SLC8A1: variants seen among roughly 807,000 people sequenced by gnomAD.
SLC8A1 encodes the protein sodium/calcium exchanger 1.
SLC8A1 carries 18 observed loss-of-function variants against 68.3 expected under a neutral mutation model. The observed-to-expected ratio is 0.26, with a 90% confidence interval of 0.18 to 0.39. SLC8A1 has a LOEUF of 0.39. Ranked by LOEUF, SLC8A1 falls within the 10% of genes least tolerant of loss-of-function variation. SLC8A1 has a pLI of 1.00. For synonymous variants in SLC8A1, 475 were observed against 415.5 expected, an observed-to-expected ratio of 1.14 and a Z score of -1.74; for missense variants, 985 against 1,156.7, an observed-to-expected ratio of 0.85 and a Z score of 2.15.
intron 2 of SLC8A1, among the ~76,000 whole-genome samples, chr2:40,311,344 T>C (rs1050458478): frequency 6.6e-6 from 1 of 152,010 alleles, no homozygotes; most frequent in Non-Finnish European, 1.5e-5. Context: ...TCTAGCATCA[T>C]TGTATAGAAA....
intron 2 of SLC8A1, among the ~76,000 whole-genome samples, chr2:40,424,862 G>C (rs1696449344): frequency 6.6e-6 from 1 of 151,656 alleles, no homozygotes. Context: ...TAGTTAATTA[G>C]CCTTATCATT....
chr2:40,313,028 T>C (rs957121044), intron 2 of SLC8A1, among the ~76,000 whole-genome samples: 3 of 152,048 alleles, frequency 2.0e-5, no homozygotes, highest in Admixed American at 1.3e-4. Flanking sequence ...CACACACACA[T>C]ATATATGTAC....
intron 2 of SLC8A1, among the ~76,000 whole-genome samples, chr2:40,382,338 T>C (rs1682109426): frequency 6.6e-6 from 1 of 152,066 alleles, no homozygotes. Flanking sequence ...TACATACACC[T>C]AGTAGGCGGT....
chr2:40,362,997 TATG>T, intron 2 of SLC8A1, among the ~76,000 whole-genome samples: 1 of 152,234 alleles, frequency 6.6e-6, no homozygotes, highest in Admixed American at 6.6e-5. Context: ...CAGTCCCTAG[TATG>T]ACCATAACAT....
intron 2 of SLC8A1, among the ~76,000 whole-genome samples, chr2:40,202,022 ATGCTGGTGTGTGTACACG>A (rs1253101077): frequency 6.6e-6 from 1 of 151,998 alleles, no homozygotes; most frequent in Non-Finnish European, 1.5e-5. Context: ...GTGTGTACAC[ATGCTGGTGTGTGTACACG>A]TGGAGGTGTG....
rs566521215 is a variant in SLC8A1 at position 40,401,534 on chromosome 2, G to A, written c.1808+26939C>T. 3.4e-5 allele frequency among the ~76,000 whole-genome samples: 4 copies of A among 118,156 alleles called. No homozygotes were observed. The Admixed American group carries it at 4.4e-4, about 13-fold the overall frequency. The allele number at this position is 118,156 out of a possible 152,430, so 77.5% of individuals were successfully genotyped here. A position where few individuals can be genotyped will look rare whatever the true frequency, so the allele number is the denominator to read the frequency against. The stretch of plus-strand genomic sequence containing the variant: ...ACTGCCTAGTAAAGCTCCTTGCATA[G>A]TAAGGAAACTAGTTTTGAATTAATA... On this transcript the variant is annotated intron_variant, in intron 2 of 7. Coordinates refer to ENST00000406785, the Ensembl canonical transcript of SLC8A1.
At chr2:40,470,766 A>C (rs1001029304) in intron 1 of SLC8A1, among the ~76,000 whole-genome samples, 1 of 152,020 alleles carries the variant, frequency 6.6e-6, no homozygotes, top group Non-Finnish European at 1.5e-5. Flanking sequence ...TACTTTCATT[A>C]AGACTTAATT....
chr2:40,284,216 G>C (rs1236865674), intron 2 of SLC8A1, among the ~76,000 whole-genome samples: 1 of 150,366 alleles, frequency 6.7e-6, no homozygotes, highest in East Asian at 2.0e-4. Context: ...TCTATAAGTT[G>C]TTTATATCTA....
At chr2:40,377,769 G>A (rs1680398884) in intron 2 of SLC8A1, among the ~76,000 whole-genome samples, 1 of 152,076 alleles carries the variant, frequency 6.6e-6, no homozygotes, top group South Asian at 2.1e-4. Context: ...CTCCAATCAG[G>A]TCTACTTCTA....
rs546562575 is a variant in SLC8A1, at chr2:40,491,743, G to A, written c.-25+20606C>T. Among the ~76,000 whole-genome samples, 22 of 152,132 alleles carry A rather than the reference G, an allele frequency of 1.4e-4. 2 individuals carry two copies. The South Asian group carries it at 4.4e-3, about 30-fold the overall frequency. Reference sequence around the variant, plus strand: ...TCTGCATCTATTGAGAGAACCATGTGGTTTTTGTCTTTGGTTCTGTTTATA... The same window carrying A: ...TCTGCATCTATTGAGAGAACCATGTAGTTTTTGTCTTTGGTTCTGTTTATA... On this transcript the variant is annotated intron_variant, in intron 1 of 7. Transcript: ENST00000402441.
chr2:40,132,262 G>A (rs1203248061), intron 7 of SLC8A1, among the ~76,000 whole-genome samples: 1 of 152,036 alleles, frequency 6.6e-6, no homozygotes, highest in Non-Finnish European at 1.5e-5. Flanking sequence ...AGATAACATG[G>A]ATTCCACAGT....
At chr2:40,356,723 G>C (rs1391215891) in intron 2 of SLC8A1, among the ~76,000 whole-genome samples, 3 of 152,172 alleles carry the variant, frequency 2.0e-5, no homozygotes, top group Non-Finnish European at 4.4e-5. Flanking sequence ...ACAGCTAAGG[G>C]AGACAAGCAC....
At chr2:40,381,031 G>A (rs1289732490) in intron 2 of SLC8A1, among the ~76,000 whole-genome samples, 1 of 151,962 alleles carries the variant, frequency 6.6e-6, no homozygotes, top group African/African-American at 2.4e-5. Flanking sequence ...CTTAGGATTG[G>A]TCAATTCCCC....
At chr2:40,511,634 G>A (rs1409544151) in intron 1 of SLC8A1, among the ~76,000 whole-genome samples, 3 of 152,056 alleles carry the variant, frequency 2.0e-5, no homozygotes, top group African/African-American at 7.2e-5. Flanking sequence ...ATGACAAAAC[G>A]ATAATAATCT....
chr2:40,108,008 C>T (rs1450998409), exon 8 of SLC8A1: 1 of 151,692 alleles, frequency 6.6e-6, no homozygotes. Flanking sequence ...ACTGATAGAT[C>T]AGTCTGGGCC....
Position 40,357,441 on chromosome 2 carries a change from G to A in SLC8A1, c.1808+71032C>T, listed in dbSNP as rs1408915329. 6.8e-5 allele frequency among the ~76,000 whole-genome samples: 10 copies of A among 147,336 alleles called. No individual in the cohort carries two copies. In the East Asian group the frequency reaches 2.0e-3, roughly 29 times the overall value. ...GAGCCCAGGAGGTCAAGGCTGCAGT[G>A]TGCTATGATCATGCCACTGCATGCC... is the stretch of plus-strand genomic sequence containing the variant. On this transcript the variant is annotated intron_variant, in intron 2 of 7. Transcript: ENST00000406785.
chr2:40,150,130 CTCTA>C (rs981802146), intron 6 of SLC8A1, among the ~76,000 whole-genome samples: 3 of 150,454 alleles, frequency 2.0e-5, no homozygotes, highest in African/African-American at 4.9e-5. Flanking sequence ...TTCTAAGATG[CTCTA>C]TCTAACAGGC....
intron 2 of SLC8A1, among the ~76,000 whole-genome samples, chr2:40,257,474 T>C (rs2064104834): frequency 6.6e-6 from 1 of 151,972 alleles, no homozygotes; most frequent in Admixed American, 6.6e-5. Flanking sequence ...CAGCCTAGTT[T>C]ATGGAAGGAA....
chr2:40,257,727 C>T lies in SLC8A1; in HGVS notation c.1809-79872G>A, dbSNP rs555086726. ...ACCCATAAAGCAAGTGATTTCTCTGCATGTTCCTCAGTGTGCAAAGCACCT... is the reference window on the plus strand; with the variant it reads ...ACCCATAAAGCAAGTGATTTCTCTGTATGTTCCTCAGTGTGCAAAGCACCT... On this transcript the variant is annotated intron_variant, in intron 2 of 7. Transcript: ENST00000406785. Among the ~76,000 whole-genome samples the T allele has an allele frequency of 2.4e-4, 36 of 152,342 alleles. No homozygotes were observed. The South Asian group carries it at 7.5e-3, about 32-fold the overall frequency.
Sources: gnomAD v4.1 joint callset for allele counts (sites outside exome capture counted in the v4.1 genomes callset) on GRCh38, gnomAD v4.1.1 for gene constraint, MANE v1.5 for transcripts, NCBI Gene and HGNC (gene_info 2026-07-23, HGNC 2026-07-21) for gene names.